LOXL2: variants seen among roughly 807,000 people sequenced by gnomAD.
The protein encoded by LOXL2 is lysyl oxidase homolog 2.
Under a neutral mutation model 93.0 loss-of-function variants are expected in LOXL2, and 70 were observed. The ratio of observed to expected loss-of-function variants is 0.75; its 90% CI spans 0.62 to 0.92. The LOEUF (loss-of-function observed/expected upper bound fraction) is 0.92, where lower values mean the gene tolerates loss of function less well. Among genes scored for constraint, LOXL2 ranks in the 40% least tolerant of loss-of-function variants. The pLI, the probability that LOXL2 is intolerant of heterozygous loss-of-function variation, is 0.00. For missense variants in LOXL2, 973 were observed against 1,054.9 expected, an observed-to-expected ratio of 0.92 and a Z score of 1.08; for synonymous variants, 438 against 413.2, an observed-to-expected ratio of 1.06 and a Z score of -0.73.
At chr8:23,348,600 G>A (rs1299808738) in intron 3 of LOXL2, among the ~76,000 whole-genome samples, 2 of 151,824 alleles carry the variant, frequency 1.3e-5, no homozygotes, top group South Asian at 2.1e-4. Flanking sequence ...GGCCTCGGCC[G>A]GGTGCGGTGG....
At chr8:23,352,431 C>G (rs1042292063) in intron 3 of LOXL2, among the ~76,000 whole-genome samples, 3 of 152,080 alleles carry the variant, frequency 2.0e-5, no homozygotes, top group African/African-American at 7.2e-5. Context: ...TTTCCCCAAA[C>G]CACCCAGTGC....
chr8:23,311,998 A>T (rs1803325129), intron 9 of LOXL2, among the ~76,000 whole-genome samples: 1 of 152,230 alleles, frequency 6.6e-6, no homozygotes, highest in Non-Finnish European at 1.5e-5. Flanking sequence ...AATACAAACT[A>T]CCATCAGAGA....
In LOXL2 at chr8:23,368,185, A is replaced by G. The variant is rs1012357719; in HGVS notation, c.167T>C (p.Ile56Thr). Residue 56 changes from isoleucine to threonine, a missense_variant, in exon 2 of 14, where the codon ATT becomes ACT. Ile to Thr is a moderately conservative substitution (Grantham distance 89). Transcript: ENST00000389131. ...CTTCTGCCCAGCCAGGCGCAGCTGA[A>G]TCTTGGCCACGTTGGCGGGGGCCTG... ...QPQAPANVAKIQLRLAGQKRK... is the reference protein window; with the variant it reads ...QPQAPANVAKTQLRLAGQKRK... 1 of 1,613,934 alleles carries G rather than the reference A, an allele frequency of 6.2e-7. No homozygotes were observed. Among genetic ancestry groups the G allele is most frequent in the Non-Finnish European group, 8.5e-7 (1 of 1,180,026 alleles).
intron 1 of LOXL2, among the ~76,000 whole-genome samples, chr8:23,379,299 T>C (rs1804638907): frequency 6.6e-6 from 1 of 152,200 alleles, no homozygotes; most frequent in Non-Finnish European, 1.5e-5. Flanking sequence ...CTCTGGAAGC[T>C]TCGTCTCAGA....
Position 23,318,454 on chromosome 8 carries a change from CACACACAA to C in LOXL2, c.1471-1348_1471-1341del, listed in dbSNP as rs746215573. ...ACACACACACACACACACACACACA[CACACACAA>C]AAATACACATTCATACAACCTACTG... is the stretch of plus-strand genomic sequence containing the variant. On this transcript the variant is annotated intron_variant, in intron 8 of 13. Coordinates refer to ENST00000389131, the MANE Select transcript of LOXL2 (RefSeq NM_002318.3). Among the ~76,000 whole-genome samples, 535 of 136,120 alleles carry C rather than the reference CACACACAA, an allele frequency of 3.9e-3. 3 individuals carry two copies. Among genetic ancestry groups the C allele is most frequent in the African/African-American group, 0.016 (470 of 29,544 alleles). 89.3% of individuals were successfully genotyped at this position (136,120 alleles called of 152,430 possible). A position where few individuals can be genotyped will look rare whatever the true frequency, so the allele number is the denominator to read the frequency against.
intron 10 of LOXL2, among the ~76,000 whole-genome samples, chr8:23,309,272 C>A (rs1212710623): frequency 6.6e-6 from 1 of 152,122 alleles, no homozygotes; most frequent in Non-Finnish European, 1.5e-5. Context: ...CGTGAGCCAC[C>A]GCGCCAGGCT....
chr8:23,360,042 A>G (rs902542785), intron 3 of LOXL2, 48 bp downstream of exon 3: 2 of 1,546,892 alleles, frequency 1.3e-6, no homozygotes, highest in Non-Finnish European at 1.8e-6. Context: ...GTTGCATGGA[A>G]GAGGAAAAAT....
At chr8:23,357,820 T>C (rs1417344898) in intron 3 of LOXL2, among the ~76,000 whole-genome samples, 1 of 152,228 alleles carries the variant, frequency 6.6e-6, no homozygotes, top group African/African-American at 2.4e-5. Flanking sequence ...GAAGAAATTA[T>C]TTGCTTCCAT....
intron 13 of LOXL2, 28 bp from the exon 14 acceptor site, chr8:23,298,150 G>T: frequency 6.3e-7 from 1 of 1,576,508 alleles, no homozygotes; most frequent in Non-Finnish European, 8.7e-7. Flanking sequence ...GGTAGAGAGA[G>T]TGGACAAATG....
chr8:23,361,581 G>A (rs80327945), intron 2 of LOXL2, among the ~76,000 whole-genome samples: 8,042 of 152,226 alleles, frequency 0.053, 213 homozygotes, highest in Admixed American at 0.083. Flanking sequence ...AGTGGCTCAC[G>A]CCTGTAATCC....
At chr8:23,335,711 G>A (rs947782077) in intron 4 of LOXL2, among the ~76,000 whole-genome samples, 6 of 152,134 alleles carry the variant, frequency 3.9e-5, no homozygotes, top group Admixed American at 1.3e-4. Context: ...GAGGGTACTC[G>A]CTGGGCAGGC....
chr8:23,400,328 G>A (rs1163674342), intron 1 of LOXL2, among the ~76,000 whole-genome samples: 1 of 152,134 alleles, frequency 6.6e-6, no homozygotes, highest in East Asian at 1.9e-4. Flanking sequence ...AGAAGACAAA[G>A]GAAGAGCAAA....
At chr8:23,352,250 G>C (rs6995191) in intron 3 of LOXL2, among the ~76,000 whole-genome samples, 45,617 of 152,054 alleles carry the variant, frequency 0.3, 8,787 homozygotes, top group African/African-American at 0.54. Flanking sequence ...ATGGGTCCTT[G>C]TGCCCTTGCT....
At chr8:23,351,471 C>A (rs1804093029) in intron 3 of LOXL2, among the ~76,000 whole-genome samples, 2 of 152,220 alleles carry the variant, frequency 1.3e-5, no homozygotes, top group Non-Finnish European at 2.9e-5. Context: ...CCATTAAGCA[C>A]CCAATCACAT....
At chr8:23,328,105 G>A (rs988352491) in intron 6 of LOXL2, among the ~76,000 whole-genome samples, 9 of 152,138 alleles carry the variant, frequency 5.9e-5, no homozygotes, top group Non-Finnish European at 1.0e-4. Flanking sequence ...GGAGACCTAC[G>A]GGGGAGTATT....
At chr8:23,341,535 C>A in intron 3 of LOXL2, 1 of 407,666 alleles carries the variant, frequency 2.5e-6, no homozygotes, top group African/African-American at 2.0e-5. Context: ...CCTCCTCCTG[C>A]ACAGGCCTCG....
chr8:23,300,145 G>A (rs1044192293), intron 12 of LOXL2, among the ~76,000 whole-genome samples: 1 of 152,252 alleles, frequency 6.6e-6, no homozygotes, highest in African/African-American at 2.4e-5. Context: ...CCGCCCAGGC[G>A]TCTCGACAGT....
In LOXL2 at chr8:23,333,479, C is replaced by G. The variant is rs759206109; in HGVS notation, c.888G>C (p.Pro296=). 13 of 1,614,010 alleles carry G rather than the reference C, an allele frequency of 8.1e-6. No homozygotes were observed. The South Asian group carries it at 1.4e-4, about 18-fold the overall frequency. ...MKNVTCENGL[P]AVVSCVPGQV... ...GCCCAGGCACACAACTCACCACGGCCGGTAGCCCATTCTCGCAGGTGACAT... is the reference window on the plus strand; with the variant it reads ...GCCCAGGCACACAACTCACCACGGCGGGTAGCCCATTCTCGCAGGTGACAT... The change falls in exon 5 of 14, where the codon CCG becomes CCC. Residue 296 remains proline (P), a synonymous_variant. Coordinates refer to ENST00000389131, the MANE Select transcript of LOXL2 (RefSeq NM_002318.3).
chr8:23,351,344 C>A (rs1360636654), intron 3 of LOXL2, among the ~76,000 whole-genome samples: 1 of 152,168 alleles, frequency 6.6e-6, no homozygotes, highest in Non-Finnish European at 1.5e-5. Flanking sequence ...CAGAGCGGAC[C>A]TGCCCATCTA....
Sources: gnomAD v4.1 joint callset for allele counts (sites outside exome capture counted in the v4.1 genomes callset) on GRCh38, gnomAD v4.1.1 for gene constraint, MANE v1.5 for transcripts, NCBI Gene and HGNC (gene_info 2026-07-23, HGNC 2026-07-21) for gene names.